The following ZNHIT6 variants were observed in gnomAD, a reference collection of about 807,000 sequenced individuals.
ZNHIT6 encodes the protein zinc finger HIT-type containing 6, also known as box C/D snoRNA protein 1.
ZNHIT6 carries 45 observed loss-of-function variants against 57.2 expected under a neutral mutation model. The ratio of observed to expected loss-of-function variants is 0.79; its 90% CI spans 0.62 to 1.01. The LOEUF is 1.01. Ranked by LOEUF, ZNHIT6 falls within the 50% of genes least tolerant of loss-of-function variation. The pLI, the probability that ZNHIT6 is intolerant of heterozygous loss-of-function variation, is 0.00. For synonymous variants in ZNHIT6, 188 were observed against 190.0 expected, an observed-to-expected ratio of 0.99 and a Z score of 0.09; for missense variants, 528 against 567.3, an observed-to-expected ratio of 0.93 and a Z score of 0.70.
intron 5 of ZNHIT6, among the ~76,000 whole-genome samples, chr1:85,694,033 C>T (rs1217123186): frequency 6.6e-6 from 1 of 152,022 alleles, no homozygotes; most frequent in Admixed American, 6.6e-5. Context: ...AATTTTAAAA[C>T]AGGCAAAAGA....
At chr1:85,691,387 T>G (rs1481588134) in intron 5 of ZNHIT6, among the ~76,000 whole-genome samples, 1 of 152,202 alleles carries the variant, frequency 6.6e-6, no homozygotes, top group Non-Finnish European at 1.5e-5. Flanking sequence ...AAGTAGCAAC[T>G]TCAAATGAGA....
At chr1:85,668,214 C>A (rs1478480846) in intron 8 of ZNHIT6, among the ~76,000 whole-genome samples, 1 of 151,096 alleles carries the variant, frequency 6.6e-6, no homozygotes, top group African/African-American at 2.4e-5. Flanking sequence ...CAAAACATCA[C>A]AAATATATTA....
rs534367516 is a variant in ZNHIT6 at position 85,695,139 on chromosome 1, C to G, written c.1019+7018G>C. 2.6e-5 allele frequency among the ~76,000 whole-genome samples: 4 copies of G among 152,192 alleles called. No homozygotes were observed. The East Asian group carries it at 7.7e-4, about 29-fold the overall frequency. Reference sequence around the variant, plus strand: ...AATTAGCTGGCATGGTGGCAGGCACCTACAGTCCCAGCTACTGGGGAGGCT... The same window carrying G: ...AATTAGCTGGCATGGTGGCAGGCACGTACAGTCCCAGCTACTGGGGAGGCT... On this transcript the variant is annotated intron_variant, in intron 5 of 9. Transcript: ENST00000370574.
intron 8 of ZNHIT6, among the ~76,000 whole-genome samples, chr1:85,669,747 C>A (rs1661499513): frequency 6.6e-6 from 1 of 152,168 alleles, no homozygotes; most frequent in Admixed American, 6.6e-5. Flanking sequence ...AGTGTCCATG[C>A]AAAGATGCCC....
At chr1:85,667,628 T>TA (rs5775862) in intron 8 of ZNHIT6, among the ~76,000 whole-genome samples, 5 of 138,044 alleles carry the variant, frequency 3.6e-5, no homozygotes, top group African/African-American at 1.1e-4. Flanking sequence ...TATCATCCAT[T>TA]AAAAAAAAAA....
At chr1:85,676,063 G>A (rs1016846710) in intron 8 of ZNHIT6, among the ~76,000 whole-genome samples, 6 of 151,970 alleles carry the variant, frequency 3.9e-5, no homozygotes, top group Admixed American at 6.6e-5. Flanking sequence ...CTGGCCGGGC[G>A]CGGTGGCTCA....
rs2100641168 is a variant in ZNHIT6, at chr1:85,654,013, T to G, written c.*45A>C. 2 of 1,572,478 alleles carry G rather than the reference T, an allele frequency of 1.3e-6. No individual in the cohort carries two copies. The highest frequency in any genetic ancestry group is 8.7e-7 in the Non-Finnish European group (1 of 1,145,338). On this transcript the variant is annotated 3_prime_UTR_variant, in exon 10 of 10. Coordinates refer to ENST00000370574, the MANE Select transcript of ZNHIT6 (RefSeq NM_017953.4). ...AACAGCCCATCAATGCAGAGTCTGC[T>G]GCAGTTGTCTGGAAGTTTTCACTTT... is the stretch of plus-strand genomic sequence containing the variant.
At chr1:85,684,297 G>A (rs1661963527) in intron 5 of ZNHIT6, among the ~76,000 whole-genome samples, 2 of 152,132 alleles carry the variant, frequency 1.3e-5, no homozygotes, top group Non-Finnish European at 2.9e-5. Flanking sequence ...CCTCTTCTGA[G>A]TCCTATGAAA....
At chr1:85,662,175 C>T (rs1457432895) in intron 8 of ZNHIT6, among the ~76,000 whole-genome samples, 2 of 148,352 alleles carry the variant, frequency 1.3e-5, no homozygotes, top group Non-Finnish European at 3.0e-5. Flanking sequence ...AAAAAAACCT[C>T]CTCATAACCA....
At chr1:85,658,493 G>A (rs1661128619) in intron 8 of ZNHIT6, among the ~76,000 whole-genome samples, 1 of 152,080 alleles carries the variant, frequency 6.6e-6, no homozygotes, top group Admixed American at 6.6e-5. Context: ...GCCTCCCAAA[G>A]TGCTGGGATT....
At chr1:85,683,179 T>C (rs1661927219) in intron 5 of ZNHIT6, among the ~76,000 whole-genome samples, 1 of 152,054 alleles carries the variant, frequency 6.6e-6, no homozygotes. Context: ...ACTGCGTCAC[T>C]GCACTTCACC....
intron 8 of ZNHIT6, among the ~76,000 whole-genome samples, chr1:85,663,332 A>G (rs1291252553): frequency 6.6e-6 from 1 of 152,204 alleles, no homozygotes; most frequent in Non-Finnish European, 1.5e-5. Context: ...CTCTTGACAA[A>G]CAGGTCTGAG....
chr1:85,692,695 C>T (rs561229141), intron 5 of ZNHIT6, among the ~76,000 whole-genome samples: 1 of 142,834 alleles, frequency 7.0e-6, no homozygotes, highest in African/African-American at 2.6e-5. Flanking sequence ...ACCTATACTA[C>T]TTATATTTAT....
At chr1:85,704,068 A>G (rs1662612400) in intron 4 of ZNHIT6, among the ~76,000 whole-genome samples, 1 of 152,236 alleles carries the variant, frequency 6.6e-6, no homozygotes, top group Non-Finnish European at 1.5e-5. Flanking sequence ...ATTTAAAACC[A>G]CAATAAAATT....
At chr1:85,707,171 C>G (rs190557275) in intron 1 of ZNHIT6, among the ~76,000 whole-genome samples, 15 of 152,318 alleles carry the variant, frequency 9.8e-5, no homozygotes, top group African/African-American at 3.6e-4. Flanking sequence ...GAAATTCAAT[C>G]AAAAGCAATA....
In ZNHIT6 at chr1:85,702,277, A is replaced by C. The variant is rs201954820; in HGVS notation, c.916-17T>G. 3 of 1,401,700 alleles carry C rather than the reference A, an allele frequency of 2.1e-6. No individual in the cohort carries two copies. The East Asian group carries it at 6.9e-5, about 32-fold the overall frequency. 86.8% of individuals were successfully genotyped at this position (1,401,700 alleles called of 1,614,324 possible). A position where few individuals can be genotyped will look rare whatever the true frequency, so the allele number is the denominator to read the frequency against. ...AAAGTACATCTAACAACAAAAACCA[A>C]ACAGACAAATTAATTTTTAAATTCC... is the stretch of plus-strand genomic sequence containing the variant. On this transcript the variant is annotated splice_polypyrimidine_tract_variant and intron_variant, in intron 4 of 9. Coordinates refer to ENST00000370574, the MANE Select transcript of ZNHIT6 (RefSeq NM_017953.4).
Position 85,708,351 on chromosome 1 carries a change from G to A in ZNHIT6, c.-67C>T. On this transcript the variant is annotated 5_prime_UTR_variant, in exon 1 of 10. Transcript: ENST00000370574. ...ATGTGGCTGCTGCACACCAATAGGAGGAATTACCGGTCGGAATACCTACGG... is the reference window on the plus strand; with the variant it reads ...ATGTGGCTGCTGCACACCAATAGGAAGAATTACCGGTCGGAATACCTACGG... 2.0e-6 allele frequency: 3 copies of A among 1,515,880 alleles called. No individual in the cohort carries two copies. Among genetic ancestry groups the A allele is most frequent in the Non-Finnish European group, 2.6e-6 (3 of 1,133,984 alleles). The allele number at this position is 1,515,880 out of a possible 1,614,324, so 93.9% of individuals were successfully genotyped here. A position where few individuals can be genotyped will look rare whatever the true frequency, so the allele number is the denominator to read the frequency against.
At chr1:85,683,317 G>A (rs578130169) in intron 5 of ZNHIT6, among the ~76,000 whole-genome samples, 1 of 152,184 alleles carries the variant, frequency 6.6e-6, no homozygotes, top group Non-Finnish European at 1.5e-5. Flanking sequence ...AGGAGATCGA[G>A]ACCATCCTGG....
intron 5 of ZNHIT6, among the ~76,000 whole-genome samples, chr1:85,686,028 C>T (rs1255888446): frequency 1.3e-5 from 2 of 151,228 alleles, no homozygotes; most frequent in African/African-American, 4.9e-5. Flanking sequence ...GTGGTGCGAT[C>T]TCAGCTCACT....
Sources: gnomAD v4.1 joint callset for allele counts (sites outside exome capture counted in the v4.1 genomes callset) on GRCh38, gnomAD v4.1.1 for gene constraint, MANE v1.5 for transcripts, NCBI Gene and HGNC (gene_info 2026-07-23, HGNC 2026-07-21) for gene names.